CRMP1: variants seen among roughly 807,000 people sequenced by gnomAD.
CRMP1 encodes collapsin response mediator protein 1.
Under a neutral mutation model 68.3 loss-of-function variants are expected in CRMP1, and 19 were observed. That is an observed-to-expected ratio of 0.28 (90% CI 0.19 to 0.41). CRMP1 has a LOEUF of 0.41. CRMP1 is among the 10% of genes least tolerant of loss of function. The pLI is 1.00. For synonymous variants in CRMP1, 439 were observed against 399.6 expected, an observed-to-expected ratio of 1.10 and a Z score of -1.18; for missense variants, 791 against 967.4, an observed-to-expected ratio of 0.82 and a Z score of 2.42.
intron 1 of CRMP1, among the ~76,000 whole-genome samples, chr4:5,884,475 T>C (rs1198973407): frequency 2.2e-5 from 2 of 90,226 alleles, no homozygotes; most frequent in Non-Finnish European, 4.9e-5. Flanking sequence ...CACACACAAC[T>C]ATGCATGCAC....
Position 5,828,630 on chromosome 4 carries a change from G to C in CRMP1, c.1662C>G (p.His554Gln). The change falls in exon 12 of 14, where the codon CAC (histidine) becomes CAG (glutamine). Residue 554 changes from histidine (H) to glutamine (Q), a missense_variant. Transcript: ENST00000324989. ...EYNIFEGMEC[H>Q]GSPLVVISQG... ...GGCTGATGACCACTAGTGGGGAGCC[G>C]TGGCACTCCATACCCTCGAAGATGT... 1 of 1,614,058 alleles carries C rather than the reference G, an allele frequency of 6.2e-7. No individual in the cohort carries two copies. The highest frequency in any genetic ancestry group is 1.7e-5 in the Admixed American group (1 of 60,004).
At chr4:5,876,576 T>A (rs1392678196) in intron 1 of CRMP1, among the ~76,000 whole-genome samples, 2 of 152,224 alleles carry the variant, frequency 1.3e-5, no homozygotes, top group African/African-American at 4.8e-5. Context: ...TGTAGAAATG[T>A]GCTTATCCAA....
chr4:5,843,005 C>A lies in CRMP1; in HGVS notation c.1032+88G>T. 1 of 1,300,500 alleles carries A rather than the reference C, an allele frequency of 7.7e-7. No homozygotes were observed. The highest frequency in any genetic ancestry group is 1.1e-6 in the Non-Finnish European group (1 of 901,468). The allele number at this position is 1,300,500 out of a possible 1,614,324, so 80.6% of individuals were successfully genotyped here. A position where few individuals can be genotyped will look rare whatever the true frequency, so the allele number is the denominator to read the frequency against. ...GAGAGGACACGGGAAGAGGCCGGGT[C>A]CTGGCTGGGCTACTCCAGCTGGAAC... On this transcript the variant is annotated intron_variant, in intron 7 of 13. Transcript: ENST00000324989. The surrounding 1 kb of genome is among the most constrained non-coding windows in gnomAD (Gnocchi z 4.1).
rs532397289 is a variant in CRMP1, at chr4:5,825,532, G to A, written c.1931C>T (p.Pro644Leu). The A allele has an allele frequency of 3.2e-6, 5 of 1,587,158 alleles. No homozygotes were observed. In the African/African-American group the frequency reaches 4.1e-5, roughly 13 times the overall value. ...GTTGGACTGGTGGAGGTTTCTGATGGGTGGGGGCTGGTGTTTAGAAGGCGA... is the reference window on the plus strand; with the variant it reads ...GTTGGACTGGTGGAGGTTTCTGATGAGTGGGGGCTGGTGTTTAGAAGGCGA... Reference protein sequence around the residue: ...KSSPSKHQPPPIRNLHQSNFS... With the variant: ...KSSPSKHQPPLIRNLHQSNFS... Residue 644 changes from proline to leucine, a missense_variant, in exon 13 of 14, where the codon CCC becomes CTC. Around this residue, in one of 3 missense-constraint regions of CRMP1, gnomAD observed 594 missense variants for 763.6 expected, o/e 0.78. Coordinates refer to ENST00000324989, the MANE Select transcript of CRMP1 (RefSeq NM_001014809.3). This position sits in a 1 kb window ranked among gnomAD's most constrained non-coding sequence, Gnocchi z 4.4.
At chr4:5,868,253 C>CTA (rs1714130415) in intron 1 of CRMP1, among the ~76,000 whole-genome samples, 11 of 83,154 alleles carry the variant, frequency 1.3e-4, no homozygotes, top group South Asian at 5.0e-4. Flanking sequence ...TTCTTCATGA[C>CTA]TATATATCTA....
In CRMP1 at chr4:5,879,975, A is replaced by G. The variant is rs193054678; in HGVS notation, c.381+12614T>C. Among the ~76,000 whole-genome samples the G allele has an allele frequency of 1.3e-5, 2 of 152,348 alleles. No individual in the cohort carries two copies. Among genetic ancestry groups the G allele is most frequent in the Admixed American group, 1.3e-4 (2 of 15,310 alleles). ...AATTGGAGTGGTTTTGGAAAAGAGA[A>G]GGTCCTAAGTAATGGAGAAACATCT... On this transcript the variant is annotated intron_variant, in intron 1 of 13. Transcript: ENST00000324989. This position sits in a 1 kb window ranked among gnomAD's most constrained non-coding sequence, Gnocchi z 4.2.
At chr4:5,840,222 C>A (rs1006162508) in intron 8 of CRMP1, among the ~76,000 whole-genome samples, 1 of 152,188 alleles carries the variant, frequency 6.6e-6, no homozygotes, top group African/African-American at 2.4e-5. Context: ...GTCCTCCCAC[C>A]CCAGGGGAAA....
intron 1 of CRMP1, among the ~76,000 whole-genome samples, chr4:5,876,110 G>A (rs991460085): frequency 7.9e-5 from 12 of 151,180 alleles, no homozygotes; most frequent in Admixed American, 3.3e-4. Flanking sequence ...CCGAGATCAC[G>A]TCACTGCACT....
At position 5,891,110 on chromosome 4, in the gene CRMP1, G is replaced by A. The variant is rs1715920057; in HGVS notation, c.381+1479C>T. Among the ~76,000 whole-genome samples the A allele has an allele frequency of 1.3e-5, 2 of 151,472 alleles. No individual in the cohort carries two copies. Among genetic ancestry groups the A allele is most frequent in the African/African-American group, 2.4e-5 (1 of 41,220 alleles). On this transcript the variant is annotated intron_variant, in intron 1 of 13. Transcript: ENST00000324989. The surrounding 1 kb of genome is among the most constrained non-coding windows in gnomAD (Gnocchi z 5.2). ...GGACAGGGGGAGATACAGAAGGGGTGGGGGAAGAGGAAGCTGGACTCTCGC... is the reference window on the plus strand; with the variant it reads ...GGACAGGGGGAGATACAGAAGGGGTAGGGGAAGAGGAAGCTGGACTCTCGC...
intron 11 of CRMP1, among the ~76,000 whole-genome samples, chr4:5,833,387 C>G (rs1013070580): frequency 1.1e-5 from 1 of 88,092 alleles, no homozygotes; most frequent in Non-Finnish European, 2.5e-5. Context: ...GGGATGGTCT[C>G]GATCTCCTGA....
At chr4:5,873,331 C>T (rs551865331) in intron 1 of CRMP1, among the ~76,000 whole-genome samples, 9 of 152,274 alleles carry the variant, frequency 5.9e-5, no homozygotes, top group African/African-American at 1.4e-4. Flanking sequence ...GGGAAGCACA[C>T]GGTGTATTAG....
At position 5,893,074 on chromosome 4, in the gene CRMP1, C is replaced by A. The variant is rs911354178; in HGVS notation, c.-105G>T. On this transcript the variant is annotated 5_prime_UTR_variant, in exon 1 of 14. Transcript: ENST00000324989. ...GCCTCGGTGCGGGCCTGCGGCGGCC[C>A]GGGCGCGACTGCGGCCCAGGGAGGG... 2 of 796,368 alleles carry A rather than the reference C, an allele frequency of 2.5e-6. No individual in the cohort carries two copies. Among genetic ancestry groups the A allele is most frequent in the Non-Finnish European group, 3.0e-6 (2 of 658,738 alleles). 49.3% of individuals were successfully genotyped at this position (796,368 alleles called of 1,614,324 possible). A position where few individuals can be genotyped will look rare whatever the true frequency, so the allele number is the denominator to read the frequency against.
intron 1 of CRMP1, among the ~76,000 whole-genome samples, chr4:5,867,844 T>C (rs1325344043): frequency 6.6e-6 from 1 of 152,124 alleles, no homozygotes; most frequent in Non-Finnish European, 1.5e-5. Flanking sequence ...ACTTCCTATA[T>C]CTACACTCTG....
chr4:5,825,362 G>A lies in CRMP1; in HGVS notation c.1969+132C>T, dbSNP rs1719381529. 21 of 1,439,048 alleles carry A rather than the reference G, an allele frequency of 1.5e-5. No individual in the cohort carries two copies. Among genetic ancestry groups the A allele is most frequent in the Non-Finnish European group, 1.9e-5 (21 of 1,104,272 alleles). The allele number at this position is 1,439,048 out of a possible 1,614,324, so 89.1% of individuals were successfully genotyped here. On this transcript the variant is annotated intron_variant, in intron 13 of 13. Coordinates refer to ENST00000324989, the MANE Select transcript of CRMP1 (RefSeq NM_001014809.3). The surrounding 1 kb of genome is among the most constrained non-coding windows in gnomAD (Gnocchi z 4.4). The stretch of plus-strand genomic sequence containing the variant: ...GCCCCACCAGTGAGAGCAGGCTCGG[G>A]TGGGGCACACTCCCTTCCCTGCTTC...
chr4:5,868,549 C>T (rs150760010), intron 1 of CRMP1, among the ~76,000 whole-genome samples: 1 of 152,024 alleles, frequency 6.6e-6, no homozygotes, highest in Admixed American at 6.6e-5. Context: ...GATCTGCCTG[C>T]CTTGGCCTCC....
rs990787756 is a variant in CRMP1 at position 5,889,983 on chromosome 4, T to C, written c.381+2606A>G. On this transcript the variant is annotated intron_variant, in intron 1 of 13. Transcript: ENST00000324989. This position sits in a 1 kb window ranked among gnomAD's most constrained non-coding sequence, Gnocchi z 4.5. Reference sequence around the variant, plus strand: ...AATGATGTACCCCGGGTGCAAAACATATTAGCTGCAGCAAAGCAGCATGGA... The same window carrying C: ...AATGATGTACCCCGGGTGCAAAACACATTAGCTGCAGCAAAGCAGCATGGA... 4 of 1,177,798 alleles carry C rather than the reference T, an allele frequency of 3.4e-6. No individual in the cohort carries two copies. In the African/African-American group the frequency reaches 6.2e-5, roughly 18 times the overall value. 73.0% of individuals were successfully genotyped at this position (1,177,798 alleles called of 1,614,324 possible). A position where few individuals can be genotyped will look rare whatever the true frequency, so the allele number is the denominator to read the frequency against.
chr4:5,836,418 C>G (rs1441321703), intron 10 of CRMP1, among the ~76,000 whole-genome samples: 2 of 152,232 alleles, frequency 1.3e-5, no homozygotes, highest in Non-Finnish European at 2.9e-5. Flanking sequence ...CAGGAATTCT[C>G]TCTCTACCCA....
In CRMP1 at chr4:5,870,391, T is replaced by A. The variant is rs1260990204; in HGVS notation, c.382-3635A>T. The stretch of plus-strand genomic sequence containing the variant: ...TCACAGCTTTGGTGTGTTACCCCAC[T>A]GGCAGTGCAGGACACAACTCCCCAG... On this transcript the variant is annotated intron_variant, in intron 1 of 13. Coordinates refer to ENST00000324989, the MANE Select transcript of CRMP1 (RefSeq NM_001014809.3). This position sits in a 1 kb window ranked among gnomAD's most constrained non-coding sequence, Gnocchi z 6.0. Among the ~76,000 whole-genome samples, 2 of 152,248 alleles carry A rather than the reference T, an allele frequency of 1.3e-5. No individual in the cohort carries two copies. The highest frequency in any genetic ancestry group is 4.1e-4 in the South Asian group (2 of 4,836).
In CRMP1 at chr4:5,888,480, G is replaced by C. The variant is rs1033810631; in HGVS notation, c.381+4109C>G. The C allele has an allele frequency of 1.8e-5, 22 of 1,207,662 alleles. No individual in the cohort carries two copies. The highest frequency in any genetic ancestry group is 3.4e-5 in the East Asian group (1 of 29,686). The allele number at this position is 1,207,662 out of a possible 1,614,324, so 74.8% of individuals were successfully genotyped here. A position where few individuals can be genotyped will look rare whatever the true frequency, so the allele number is the denominator to read the frequency against. On this transcript the variant is annotated intron_variant, in intron 1 of 13. Coordinates refer to ENST00000324989, the MANE Select transcript of CRMP1 (RefSeq NM_001014809.3). The surrounding 1 kb of genome is among the most constrained non-coding windows in gnomAD (Gnocchi z 6.4). ...TCCGGCTGCCAGCACCGCCCGGATC[G>C]GCGAGGAGGGCGGGAGAAGGAGGAG...
Sources: gnomAD v4.1 joint callset for allele counts (sites outside exome capture counted in the v4.1 genomes callset) on GRCh38, gnomAD v4.1.1 for gene constraint, gnomAD v4.1.1 regional missense constraint, Gnocchi (gnomAD v3.1) non-coding constraint, MANE v1.5 for transcripts, NCBI Gene and HGNC (gene_info 2026-07-23, HGNC 2026-07-21) for gene names.